The following HDAC4 variants were observed in gnomAD, a reference collection of about 807,000 sequenced individuals.
HDAC4 encodes histone deacetylase 4, also known as histone deacetylase A.
HDAC4 carries 16 observed loss-of-function variants against 135.1 expected under a neutral mutation model. That is an observed-to-expected ratio of 0.12 (90% CI 0.08 to 0.18). The LOEUF (loss-of-function observed/expected upper bound fraction) is 0.18. Ranked by LOEUF, HDAC4 falls within the 10% of genes least tolerant of loss-of-function variation. The pLI, the probability that HDAC4 is intolerant of heterozygous loss-of-function variation, is 1.00. For synonymous variants in HDAC4, 685 were observed against 653.4 expected (o/e 1.05, Z -0.74); for missense variants, 1,143 against 1,511.8 (o/e 0.76, Z 4.05).
chr2:239,120,601 G>A (rs1400981840), intron 12 of HDAC4, among the ~76,000 whole-genome samples: 2 of 122,212 alleles, frequency 1.6e-5, no homozygotes, highest in Admixed American at 8.9e-5. Context: ...GGTGGGGGAG[G>A]GAAATGGGGG....
At chr2:239,337,921 T>A (rs1692050101) in intron 2 of HDAC4, among the ~76,000 whole-genome samples, 1 of 151,968 alleles carries the variant, frequency 6.6e-6, no homozygotes, top group African/African-American at 2.4e-5. Flanking sequence ...TACACTGCTA[T>A]CTCTTCGGGG....
intron 2 of HDAC4, among the ~76,000 whole-genome samples, chr2:239,237,328 T>C (rs754570551): frequency 2.0e-5 from 3 of 152,094 alleles, no homozygotes; most frequent in Non-Finnish European, 4.4e-5. Flanking sequence ...GATTTTTCTA[T>C]ATTCTCCCAA....
intron 1 of HDAC4, among the ~76,000 whole-genome samples, chr2:239,367,956 C>T (rs765402252): frequency 4.6e-5 from 7 of 152,010 alleles, no homozygotes; most frequent in South Asian, 4.2e-4. Context: ...CCAGCCTGGG[C>T]GACAGAGTAA....
intron 17 of HDAC4, chr2:239,094,702 C>T: frequency 2.4e-6 from 3 of 1,242,066 alleles, no homozygotes; most frequent in Non-Finnish European, 3.1e-6. Flanking sequence ...GAGCAGATTA[C>T]TGCCACAGAC....
intron 24 of HDAC4, among the ~76,000 whole-genome samples, chr2:239,062,951 C>T (rs1002170281): frequency 6.6e-6 from 1 of 152,188 alleles, no homozygotes; most frequent in Non-Finnish European, 1.5e-5. Context: ...TGCGATGGCC[C>T]AGGCTGCAGG....
chr2:239,304,670 G>C (rs546386922), intron 2 of HDAC4, among the ~76,000 whole-genome samples: 2 of 152,058 alleles, frequency 1.3e-5, no homozygotes, highest in Non-Finnish European at 2.9e-5. Flanking sequence ...TCCTGCCCTC[G>C]GCTCCTGGGG....
chr2:239,059,938 G>A (rs907451851), intron 24 of HDAC4, among the ~76,000 whole-genome samples: 13 of 151,518 alleles, frequency 8.6e-5, no homozygotes, highest in African/African-American at 2.2e-4. Flanking sequence ...AGAGCTCTCC[G>A]GGGGCCCTTG....
intron 2 of HDAC4, among the ~76,000 whole-genome samples, chr2:239,332,146 C>T (rs1380502318): frequency 6.6e-6 from 1 of 152,198 alleles, no homozygotes; most frequent in Non-Finnish European, 1.5e-5. Flanking sequence ...TGCCAATCCA[C>T]AGTTACATCA....
rs181437274 is a variant in HDAC4, at chr2:239,261,754, G to A, written c.23-25090C>T. ...CCCACGGGGAGGAAGGGGCAGCAGTGGGCTGGTCCACTCTTAGAAGGCGAG... is the reference window on the plus strand; with the variant it reads ...CCCACGGGGAGGAAGGGGCAGCAGTAGGCTGGTCCACTCTTAGAAGGCGAG... On this transcript the variant is annotated intron_variant, in intron 2 of 26. Transcript: ENST00000543185. Among the ~76,000 whole-genome samples the A allele has an allele frequency of 9.6e-4, 146 of 152,198 alleles. 1 individual carries two copies. The highest frequency in any genetic ancestry group is 2.4e-3 in the Admixed American group (36 of 15,308).
intron 5 of HDAC4, among the ~76,000 whole-genome samples, chr2:239,166,022 C>A (rs2043104445): frequency 6.6e-6 from 1 of 152,200 alleles, no homozygotes; most frequent in South Asian, 2.1e-4. Context: ...TTCTGACCAA[C>A]TGCTAATAAA....
intron 22 of HDAC4, among the ~76,000 whole-genome samples, chr2:239,071,395 A>G (rs1483028954): frequency 1.3e-5 from 2 of 152,112 alleles, no homozygotes; most frequent in Non-Finnish European, 2.9e-5. Flanking sequence ...GGCCTGGCTG[A>G]TAAGAGCAAA....
chr2:239,394,916 G>T (rs1209240691), intron 1 of HDAC4, among the ~76,000 whole-genome samples: 1 of 152,256 alleles, frequency 6.6e-6, no homozygotes, highest in Non-Finnish European at 1.5e-5. Context: ...CCAGCTAGTA[G>T]AAAAGGTGGC....
intron 16 of HDAC4, chr2:239,102,511 CT>C: frequency 2.1e-6 from 1 of 472,286 alleles, no homozygotes; most frequent in South Asian, 2.1e-5. Context: ...CCTAATCAGC[CT>C]CTCAAACCTA....
intron 5 of HDAC4, among the ~76,000 whole-genome samples, chr2:239,171,223 G>A (rs1374246272): frequency 1.3e-5 from 2 of 149,768 alleles, no homozygotes; most frequent in East Asian, 3.9e-4. Context: ...CCTTGCCACA[G>A]GGCCAGAGAG....
chr2:239,078,417 G>C (rs1011692668), intron 22 of HDAC4, among the ~76,000 whole-genome samples: 1 of 152,166 alleles, frequency 6.6e-6, no homozygotes, highest in Non-Finnish European at 1.5e-5. Flanking sequence ...GGGCCCCCGT[G>C]GGGGAGAAGA....
chr2:239,082,426 C>T (rs2035430872), intron 20 of HDAC4, among the ~76,000 whole-genome samples: 2 of 152,202 alleles, frequency 1.3e-5, no homozygotes, highest in African/African-American at 2.4e-5. Flanking sequence ...CGCAGGGGTT[C>T]TAAGGGCCAA....
chr2:239,083,585 T>A (rs2152692422), intron 20 of HDAC4, among the ~76,000 whole-genome samples: 1 of 152,324 alleles, frequency 6.6e-6, no homozygotes, highest in African/African-American at 2.4e-5. Flanking sequence ...AAAAGAGTAA[T>A]AAGATGAATA....
At chr2:239,297,498 G>T (rs572192943) in intron 2 of HDAC4, among the ~76,000 whole-genome samples, 3 of 152,252 alleles carry the variant, frequency 2.0e-5, no homozygotes, top group Non-Finnish European at 4.4e-5. Context: ...CAGACTCTGC[G>T]GCTCCCTGGC....
At position 239,052,940 on chromosome 2, in the gene HDAC4, G is replaced by T; in HGVS notation, c.*157C>A. The T allele has an allele frequency of 1.2e-6, 1 of 822,778 alleles. No homozygotes were observed. 51.0% of individuals were successfully genotyped at this position (822,778 alleles called of 1,614,324 possible). A position where few individuals can be genotyped will look rare whatever the true frequency, so the allele number is the denominator to read the frequency against. On this transcript the variant is annotated 3_prime_UTR_variant, in exon 27 of 27. Coordinates refer to ENST00000543185, the MANE Select transcript of HDAC4 (RefSeq NM_001378414.1). ...GTGCGTCTCGAGACCTGTGGGCCTGGGCGGCAGAAAGGCTTCCCGTGGCTG... is the reference window on the plus strand; with the variant it reads ...GTGCGTCTCGAGACCTGTGGGCCTGTGCGGCAGAAAGGCTTCCCGTGGCTG...
Sources: gnomAD v4.1 joint callset for allele counts (sites outside exome capture counted in the v4.1 genomes callset) on GRCh38, gnomAD v4.1.1 for gene constraint, MANE v1.5 for transcripts, NCBI Gene and HGNC (gene_info 2026-07-23, HGNC 2026-07-21) for gene names.